The following PAX7 variants were observed in gnomAD, a reference collection of about 807,000 sequenced individuals.
PAX7 encodes the protein paired box 7, also known as paired box protein Pax-7.
A neutral mutation model predicts 50.7 loss-of-function variants in PAX7; 18 were observed. The ratio of observed to expected loss-of-function variants is 0.36; its 90% CI spans 0.25 to 0.53. PAX7 has a LOEUF of 0.53. Among genes scored for constraint, PAX7 ranks in the 20% least tolerant of loss-of-function variants. The probability of loss-of-function intolerance (pLI) is 0.93; values close to 1 mark genes in which losing one functional copy is unlikely to be tolerated. For synonymous variants in PAX7, 310 were observed against 290.4 expected (o/e 1.07, Z -0.69); for missense variants, 644 against 702.9 (o/e 0.92, Z 0.95).
intron 4 of PAX7, among the ~76,000 whole-genome samples, chr1:18,677,483 G>A (rs906823742): frequency 7.9e-5 from 12 of 152,180 alleles, no homozygotes; most frequent in African/African-American, 2.9e-4. Flanking sequence ...TGGTTTGTGA[G>A]GCACCAGTGG....
At position 18,745,048 on chromosome 1, in the gene PAX7, C is replaced by T; in HGVS notation, c.*119C>T. ...CTAGGAGGCCAGGAAAGGAGCCCAC[C>T]TGCTTCTCATCACCAGCCCCCTGGA... On this transcript the variant is annotated 3_prime_UTR_variant, in exon 9 of 9. Coordinates refer to ENST00000420770, the MANE Select transcript of PAX7 (RefSeq NM_001135254.2). 3.1e-6 allele frequency: 2 copies of T among 638,494 alleles called. No individual in the cohort carries two copies. The highest frequency in any genetic ancestry group is 5.6e-6 in the Non-Finnish European group (2 of 356,472). 39.6% of individuals were successfully genotyped at this position (638,494 alleles called of 1,614,324 possible). A position where few individuals can be genotyped will look rare whatever the true frequency, so the allele number is the denominator to read the frequency against.
At chr1:18,655,122 C>CT (rs2088494045) in intron 4 of PAX7, among the ~76,000 whole-genome samples, 1 of 152,184 alleles carries the variant, frequency 6.6e-6, no homozygotes, top group Non-Finnish European at 1.5e-5. Context: ...TCACAAACTC[C>CT]TTCCCAATTC....
At chr1:18,728,442 A>G (rs1352235231) in intron 7 of PAX7, among the ~76,000 whole-genome samples, 2 of 152,018 alleles carry the variant, frequency 1.3e-5, no homozygotes, top group African/African-American at 4.8e-5. Flanking sequence ...TGTGCATCCC[A>G]TATCTTCGCC....
chr1:18,665,509 G>T (rs746036829), intron 4 of PAX7, among the ~76,000 whole-genome samples: 1 of 152,078 alleles, frequency 6.6e-6, no homozygotes, highest in Non-Finnish European at 1.5e-5. Flanking sequence ...CCGAGTAGCT[G>T]GGACTATAGG....
At chr1:18,674,964 G>A (rs771055370) in intron 4 of PAX7, among the ~76,000 whole-genome samples, 1 of 152,178 alleles carries the variant, frequency 6.6e-6, no homozygotes, top group Non-Finnish European at 1.5e-5. Context: ...TTCTGATGCT[G>A]CTAACACTTG....
At chr1:18,703,756 G>A (rs2089252159) in intron 7 of PAX7, among the ~76,000 whole-genome samples, 1 of 152,172 alleles carries the variant, frequency 6.6e-6, no homozygotes, top group African/African-American at 2.4e-5. Context: ...GAACTGATGG[G>A]CTCATTTTTT....
Position 18,745,069 on chromosome 1 carries a change from C to T in PAX7, c.*140C>T. 1.6e-6 allele frequency: 1 copy of T among 615,720 alleles called. No individual in the cohort carries two copies. The highest frequency in any genetic ancestry group is 2.9e-6 in the Non-Finnish European group (1 of 342,348). The allele number at this position is 615,720 out of a possible 1,614,324, so 38.1% of individuals were successfully genotyped here. A position where few individuals can be genotyped will look rare whatever the true frequency, so the allele number is the denominator to read the frequency against. On this transcript the variant is annotated 3_prime_UTR_variant, in exon 9 of 9. Coordinates refer to ENST00000420770, the MANE Select transcript of PAX7 (RefSeq NM_001135254.2). ...CCACCTGCTTCTCATCACCAGCCCC[C>T]TGGAGGTAGACAGCCAGCTTGTCAC...
At chr1:18,712,026 C>A (rs537218521) in intron 7 of PAX7, among the ~76,000 whole-genome samples, 1 of 152,188 alleles carries the variant, frequency 6.6e-6, no homozygotes, top group Non-Finnish European at 1.5e-5. Flanking sequence ...GCTCATCAGG[C>A]AGCCCCCAAT....
At chr1:18,641,466 C>G (rs1314286079) in intron 4 of PAX7, among the ~76,000 whole-genome samples, 2 of 152,150 alleles carry the variant, frequency 1.3e-5, no homozygotes, top group African/African-American at 4.8e-5. Flanking sequence ...GAGTGAGGTT[C>G]CCGTGCTCAG....
chr1:18,639,044 C>T (rs984284854), intron 4 of PAX7, among the ~76,000 whole-genome samples: 9 of 152,160 alleles, frequency 5.9e-5, no homozygotes, highest in Non-Finnish European at 1.2e-4. Flanking sequence ...CAGGGAGCCA[C>T]CAAAGAAGGG....
chr1:18,688,452 G>A (rs549111276), intron 4 of PAX7, among the ~76,000 whole-genome samples: 1 of 152,302 alleles, frequency 6.6e-6, no homozygotes, highest in South Asian at 2.1e-4. Flanking sequence ...AATGAAAGAC[G>A]AAGTTCTTCA....
intron 4 of PAX7, among the ~76,000 whole-genome samples, chr1:18,685,242 C>T (rs984982278): frequency 3.9e-5 from 6 of 152,180 alleles, no homozygotes; most frequent in African/African-American, 1.2e-4. Flanking sequence ...TTGGGAGAAA[C>T]TGTTGGGACA....
At position 18,745,156 on chromosome 1, in the gene PAX7, A is replaced by G; in HGVS notation, c.*227A>G. The G allele has an allele frequency of 1.8e-6, 1 of 563,532 alleles. No individual in the cohort carries two copies. The highest frequency in any genetic ancestry group is 3.2e-6 in the Non-Finnish European group (1 of 315,306). The allele number at this position is 563,532 out of a possible 1,614,324, so 34.9% of individuals were successfully genotyped here. On this transcript the variant is annotated 3_prime_UTR_variant, in exon 9 of 9. Transcript: ENST00000420770. ...AGTCTGCTCCCCACTTTCCCCAAGG[A>G]GGGTTTCTGGTCAGCCTGAGGTCCT... is the stretch of plus-strand genomic sequence containing the variant.
At chr1:18,669,482 G>A (rs1331661914) in intron 4 of PAX7, among the ~76,000 whole-genome samples, 1 of 152,188 alleles carries the variant, frequency 6.6e-6, no homozygotes, top group African/African-American at 2.4e-5. Flanking sequence ...CTCACTGACT[G>A]CCGTGTGACC....
intron 7 of PAX7, among the ~76,000 whole-genome samples, chr1:18,731,125 C>G (rs141641703): frequency 1.3e-5 from 2 of 152,142 alleles, no homozygotes; most frequent in Non-Finnish European, 1.5e-5. Flanking sequence ...AAAATCTACC[C>G]GGGGAGAGGC....
rs1310884706 is a variant in PAX7 at position 18,726,341 on chromosome 1, C to G, written c.1156-9291C>G. ...GGAGGATGTTTGCAATATGTCCCCT[C>G]AATTTATTCTTTTCCTCCAACCAAC... On this transcript the variant is annotated intron_variant, in intron 7 of 8. Transcript: ENST00000420770. The surrounding 1 kb of genome is among the most constrained non-coding windows in gnomAD (Gnocchi z 4.8). 6.6e-6 allele frequency among the ~76,000 whole-genome samples: 1 copy of G among 152,210 alleles called. No individual in the cohort carries two copies. Among genetic ancestry groups the G allele is most frequent in the Non-Finnish European group, 1.5e-5 (1 of 68,034 alleles).
chr1:18,692,052 G>A (rs1386696887), intron 5 of PAX7, 99 bp downstream of exon 5: 19 of 1,127,506 alleles, frequency 1.7e-5, no homozygotes, highest in Non-Finnish European at 2.4e-5. Flanking sequence ...CCCCTCGGGG[G>A]GTTTACAACA....
At chr1:18,693,696 C>A (rs1038980115) in intron 5 of PAX7, among the ~76,000 whole-genome samples, 1 of 152,172 alleles carries the variant, frequency 6.6e-6, no homozygotes, top group Non-Finnish European at 1.5e-5. Flanking sequence ...CCCTCCTGAC[C>A]GAGGTGATAT....
At position 18,691,945 on chromosome 1, in the gene PAX7, C is replaced by T. The variant is rs1446186865; in HGVS notation, c.778C>T (p.Arg260Cys). ...GCAGAGGACCAAGCTGACAGAGGCG[C>T]GTGTGCAGGTGAGGAGGCACCTGCG... ...LAQRTKLTEA[R>C]VQVWFSNRRA... Residue 260 changes from arginine to cysteine, a missense_variant, in exon 5 of 9, where the codon CGT becomes TGT. Coordinates refer to ENST00000420770, the MANE Select transcript of PAX7 (RefSeq NM_001135254.2). The T allele has an allele frequency of 5.0e-6, 8 of 1,613,186 alleles. No individual in the cohort carries two copies. In the South Asian group the frequency reaches 5.5e-5, roughly 11 times the overall value.
Sources: gnomAD v4.1 joint callset for allele counts (sites outside exome capture counted in the v4.1 genomes callset) on GRCh38, gnomAD v4.1.1 for gene constraint, Gnocchi (gnomAD v3.1) non-coding constraint, MANE v1.5 for transcripts, NCBI Gene and HGNC (gene_info 2026-07-23, HGNC 2026-07-21) for gene names.